Variants in YWHAH observed in about 807,000 individuals in gnomAD.
YWHAH encodes the protein 14-3-3 protein eta.
A neutral mutation model predicts 22.9 loss-of-function variants in YWHAH; 6 were observed. The observed-to-expected ratio is 0.26, with a 90% CI of 0.14 to 0.52. The LOEUF is 0.52. Among genes scored for constraint, YWHAH ranks in the 20% least tolerant of loss-of-function variants. The pLI, the probability that YWHAH is intolerant of heterozygous loss-of-function variation, is 0.97. For missense variants in YWHAH, 173 were observed against 308.6 expected, an observed-to-expected ratio of 0.56 and a Z score of 3.29; for synonymous variants, 135 against 124.5, an observed-to-expected ratio of 1.08 and a Z score of -0.56.
At chr22:31,953,053 T>C (rs1005314573) in intron 1 of YWHAH, among the ~76,000 whole-genome samples, 2 of 152,250 alleles carry the variant, frequency 1.3e-5, no homozygotes, top group African/African-American at 4.8e-5. Context: ...TTCTGTATTA[T>C]ACATACATGT....
intron 1 of YWHAH, chr22:31,950,253 T>C: frequency 1.3e-6 from 1 of 751,162 alleles, no homozygotes; most frequent in Non-Finnish European, 2.5e-6. Flanking sequence ...AATGTATTTT[T>C]CTCCCTGCAC....
chr22:31,946,527 T>TA (rs1331791194), intron 1 of YWHAH, among the ~76,000 whole-genome samples: 1 of 152,064 alleles, frequency 6.6e-6, no homozygotes, highest in African/African-American at 2.4e-5. Flanking sequence ...AAGTGAGACG[T>TA]AAAGACTGCA....
At chr22:31,949,754 G>A (rs2093840441) in intron 1 of YWHAH, among the ~76,000 whole-genome samples, 1 of 152,180 alleles carries the variant, frequency 6.6e-6, no homozygotes. Flanking sequence ...CAAACAGCTA[G>A]TAAGTTGTGA....
chr22:31,955,439 CTT>C (rs60830862), intron 1 of YWHAH, among the ~76,000 whole-genome samples: 21,108 of 126,756 alleles, frequency 0.17, 2,152 homozygotes, highest in African/African-American at 0.37. Flanking sequence ...TTCAGAGTAT[CTT>C]TTTTTTTTTT....
chr22:31,953,600 G>A (rs1464649064), intron 1 of YWHAH, among the ~76,000 whole-genome samples: 1 of 152,184 alleles, frequency 6.6e-6, no homozygotes, highest in East Asian at 1.9e-4. Flanking sequence ...TACTGGAGGA[G>A]GAAACTAGTG....
At chr22:31,945,456 G>T in intron 1 of YWHAH, 1 of 1,304,140 alleles carries the variant, frequency 7.7e-7, no homozygotes, top group Non-Finnish European at 1.0e-6. Context: ...CAGGTTTGCT[G>T]CTGCGCTGTC....
Position 31,950,118 on chromosome 22 carries a change from TA to T in YWHAH, c.87+5300del, listed in dbSNP as rs1253114841. Among the ~76,000 whole-genome samples the T allele has an allele frequency of 1.9e-3, 252 of 131,900 alleles. 4 individuals carry two copies. The highest frequency in any genetic ancestry group is 6.8e-3 in the African/African-American group (232 of 34,194). 86.5% of individuals were successfully genotyped at this position (131,900 alleles called of 152,430 possible). On this transcript the variant is annotated intron_variant, in intron 1 of 1. Transcript: ENST00000248975. The stretch of plus-strand genomic sequence containing the variant: ...TTTTTTTTTTTTTTTTTTTTTTGCT[TA>T]ACAAAGTATTGAATTTGAGTTTCTC...
rs775843041 is a variant in YWHAH, at chr22:31,956,092, G to T, written c.88-47G>T. On this transcript the variant is annotated intron_variant, in intron 1 of 1. Coordinates refer to ENST00000248975, the MANE Select transcript of YWHAH (RefSeq NM_003405.4). The surrounding 1 kb of genome is among the most constrained non-coding windows in gnomAD (Gnocchi z 5.1). ...TGTTGAAGGGAAGGCTTCTTACCAA[G>T]ATTTTCAGATTTTGCTTTCAATGTT... The T allele has an allele frequency of 6.5e-7, 1 of 1,543,862 alleles. No individual in the cohort carries two copies. The highest frequency in any genetic ancestry group is 2.1e-5 in the Admixed American group (1 of 46,658).
chr22:31,944,857 G>T (rs1454122852), intron 1 of YWHAH, 37 bp downstream of exon 1: 1 of 1,317,282 alleles, frequency 7.6e-7, no homozygotes, highest in Non-Finnish European at 9.8e-7. Flanking sequence ...TGGCCGGGGG[G>T]GGCCTGGCGT....
chr22:31,947,149 G>T (rs905970785), intron 1 of YWHAH, among the ~76,000 whole-genome samples: 1 of 152,114 alleles, frequency 6.6e-6, no homozygotes, highest in African/African-American at 2.4e-5. Flanking sequence ...TTTTGGAAAG[G>T]GTGTAAGTTT....
At chr22:31,954,502 T>C (rs1603054461) in intron 1 of YWHAH, among the ~76,000 whole-genome samples, 1 of 152,146 alleles carries the variant, frequency 6.6e-6, no homozygotes, top group Non-Finnish European at 1.5e-5. Flanking sequence ...GTTAGTTTCC[T>C]AGGGGGTGCT....
chr22:31,950,239 C>T, intron 1 of YWHAH: 1 of 734,910 alleles, frequency 1.4e-6, no homozygotes, highest in Admixed American at 1.9e-5. Context: ...TCCATATTGC[C>T]TTTAATGTAT....
At chr22:31,945,179 C>G in intron 1 of YWHAH, 1 of 1,116,108 alleles carries the variant, frequency 9.0e-7, no homozygotes, top group Non-Finnish European at 1.1e-6. Flanking sequence ...TCACCGGACC[C>G]GGGGGCTCCC....
At chr22:31,950,378 C>T (rs774655809) in intron 1 of YWHAH, 1 of 779,416 alleles carries the variant, frequency 1.3e-6, no homozygotes, top group South Asian at 1.3e-5. Context: ...TTTGGTGCTC[C>T]TCCCGCCCCT....
chr22:31,947,352 C>T (rs1320381498), intron 1 of YWHAH: 1 of 456,706 alleles, frequency 2.2e-6, no homozygotes, highest in Non-Finnish European at 4.6e-6. Flanking sequence ...CTGTTATTAA[C>T]AAGTCAGTTT....
In YWHAH at chr22:31,944,738, G is replaced by A; in HGVS notation, c.5G>A (p.Gly2Glu). The change falls in exon 1 of 2, where the codon GGG (glycine) becomes GAG (glutamate). Residue 2 changes from glycine to glutamate, a missense_variant. By Grantham distance (98) the Gly-to-Glu change is moderately conservative. Coordinates refer to ENST00000248975, the MANE Select transcript of YWHAH (RefSeq NM_003405.4). M[G>E]DREQLLQRAR... is the part of the protein sequence containing the mutation. The stretch of plus-strand genomic sequence containing the variant: ...CGAGGCCGAGCCGCGAGCGACATGG[G>A]GGACCGGGAGCAGCTGCTGCAGCGG... The A allele has an allele frequency of 1.4e-6, 2 of 1,410,590 alleles. No individual in the cohort carries two copies. Among genetic ancestry groups the A allele is most frequent in the Non-Finnish European group, 1.9e-6 (2 of 1,075,314 alleles). 87.4% of individuals were successfully genotyped at this position (1,410,590 alleles called of 1,614,324 possible). A position where few individuals can be genotyped will look rare whatever the true frequency, so the allele number is the denominator to read the frequency against.
In YWHAH at chr22:31,957,537, A is replaced by G. The variant is rs980324489; in HGVS notation, c.*745A>G. The G allele has an allele frequency of 6.6e-6, 1 of 152,660 alleles. No individual in the cohort carries two copies. The highest frequency in any genetic ancestry group is 1.5e-5 in the Non-Finnish European group (1 of 68,038). The allele number at this position is 152,660 out of a possible 1,614,324, so 9.5% of individuals were successfully genotyped here. A position where few individuals can be genotyped will look rare whatever the true frequency, so the allele number is the denominator to read the frequency against. ...GTCAATCAAGATGGGTGATTATGAA[A>G]TGCCAGACTTCTAAAATAAATGTTT... On this transcript the variant is annotated 3_prime_UTR_variant, in exon 2 of 2. Coordinates refer to ENST00000248975, the MANE Select transcript of YWHAH (RefSeq NM_003405.4).
At chr22:31,951,889 T>A (rs931440985) in intron 1 of YWHAH, among the ~76,000 whole-genome samples, 11 of 152,132 alleles carry the variant, frequency 7.2e-5, no homozygotes, top group African/African-American at 2.7e-4. Flanking sequence ...CCCATCAGTT[T>A]AAGGTTGTCC....
chr22:31,956,108 T>A lies in YWHAH; in HGVS notation c.88-31T>A. The A allele has an allele frequency of 1.3e-6, 2 of 1,556,486 alleles. No individual in the cohort carries two copies. Among genetic ancestry groups the A allele is most frequent in the Non-Finnish European group, 1.7e-6 (2 of 1,155,542 alleles). On this transcript the variant is annotated intron_variant, in intron 1 of 1. Coordinates refer to ENST00000248975, the MANE Select transcript of YWHAH (RefSeq NM_003405.4). This position sits in a 1 kb window ranked among gnomAD's most constrained non-coding sequence, Gnocchi z 5.1. ...TCTTACCAAGATTTTCAGATTTTGC[T>A]TTCAATGTTTATCTTTTTGGGGTTT...
Sources: allele counts gnomAD v4.1 joint callset (sites outside exome capture counted in the v4.1 genomes callset), GRCh38; gene constraint gnomAD v4.1.1; non-coding constraint Gnocchi (gnomAD v3.1); transcripts MANE v1.5; gene names NCBI Gene and HGNC (gene_info 2026-07-23, HGNC 2026-07-21).